FRYL: variants seen among roughly 807,000 people sequenced by gnomAD.
FRYL encodes the protein protein furry homolog-like.
Under a neutral mutation model 351.2 loss-of-function variants are expected in FRYL, and 150 were observed. That is an observed-to-expected ratio of 0.43 (90% CI 0.37 to 0.49). FRYL has a LOEUF of 0.49. FRYL is among the 20% of genes least tolerant of loss of function. FRYL has a pLI of 0.00. For synonymous variants in FRYL, 1,153 were observed against 1,257.1 expected, an observed-to-expected ratio of 0.92 and a Z score of 1.75; for missense variants, 3,036 against 3,619.3, an observed-to-expected ratio of 0.84 and a Z score of 4.13.
intron 1 of FRYL, among the ~76,000 whole-genome samples, chr4:48,772,503 CATTT>C (rs1206308616): frequency 6.6e-6 from 1 of 152,066 alleles, no homozygotes; most frequent in Admixed American, 6.5e-5. Flanking sequence ...CAGGAATGTA[CATTT>C]ATTAAGATGC....
chr4:48,736,850 G>GAAAAAAAAAAAAAAAAAAAAAAA (rs368006420), intron 1 of FRYL, among the ~76,000 whole-genome samples: 17 of 40,590 alleles, frequency 4.2e-4, no homozygotes, highest in East Asian at 1.5e-3. Context: ...ACTCTGTCTC[G>GAAAAAAAAAAAAAAAAAAAAAAA]AAAAAAAAAA....
Position 48,590,777 on chromosome 4 carries a change from C to T in FRYL, c.1389G>A (p.Gln463=), listed in dbSNP as rs953661099. The change falls in exon 17 of 64, where the codon CAG becomes CAA. Residue 463 remains glutamine (Q), a synonymous_variant. Coordinates refer to ENST00000358350, the MANE Select transcript of FRYL (RefSeq NM_015030.2). ...TTGGCATGGGTGGTTCACCATCTTT[C>T]TGCTGCAAACTGTCTGCTATTACAA... The part of the protein sequence containing the change: ...VFLVIADSLQ[Q]KDGEPPMPTT... The T allele has an allele frequency of 6.2e-7, 1 of 1,613,730 alleles. No individual in the cohort carries two copies. The highest frequency in any genetic ancestry group is 8.5e-7 in the Non-Finnish European group (1 of 1,179,894).
intron 21 of FRYL, 33 bp from the exon 22 acceptor site, chr4:48,580,984 T>C: frequency 6.9e-7 from 1 of 1,439,772 alleles, no homozygotes; most frequent in Non-Finnish European, 9.5e-7. Context: ...CTAAAAAAAT[T>C]AGGAATGTTT....
chr4:48,766,438 C>A (rs1241646992), intron 1 of FRYL, among the ~76,000 whole-genome samples: 1 of 152,146 alleles, frequency 6.6e-6, no homozygotes, highest in Non-Finnish European at 1.5e-5. Context: ...TTTCACTAAG[C>A]AGAATGGGCC....
At chr4:48,714,599 A>G (rs1451417894) in intron 1 of FRYL, among the ~76,000 whole-genome samples, 1 of 149,704 alleles carries the variant, frequency 6.7e-6, no homozygotes, top group Non-Finnish European at 1.5e-5. Context: ...GAATAGACCA[A>G]TAACAGGAGC....
chr4:48,625,335 T>C (rs1178283735), intron 4 of FRYL, among the ~76,000 whole-genome samples: 10 of 152,114 alleles, frequency 6.6e-5, no homozygotes, highest in Non-Finnish European at 1.3e-4. Flanking sequence ...TCACTATCAA[T>C]GGAAAAAATG....
chr4:48,700,040 C>T (rs1452963556), intron 2 of FRYL, among the ~76,000 whole-genome samples: 1 of 152,162 alleles, frequency 6.6e-6, no homozygotes, highest in South Asian at 2.1e-4. Context: ...GACTGCCTAT[C>T]GAGCACTGCA....
At chr4:48,613,357 A>G (rs558689332) in intron 7 of FRYL, among the ~76,000 whole-genome samples, 1 of 152,224 alleles carries the variant, frequency 6.6e-6, no homozygotes, top group Admixed American at 6.5e-5. Context: ...GTTTGATATT[A>G]TCCATAATAT....
chr4:48,734,505 C>T lies in FRYL; in HGVS notation c.-383-23807G>A, dbSNP rs187309646. On this transcript the variant is annotated intron_variant, in intron 1 of 63. Coordinates refer to ENST00000358350, the MANE Select transcript of FRYL (RefSeq NM_015030.2). ...CTATCAGAAGCAAACAGATCAGAAT[C>T]AGAAGCAGTAAGGACATAGCTGAAC... is the stretch of plus-strand genomic sequence containing the variant. Among the ~76,000 whole-genome samples the T allele has an allele frequency of 1.4e-3, 214 of 152,220 alleles. 1 individual carries two copies. Among genetic ancestry groups the T allele is most frequent in the African/African-American group, 4.6e-3 (190 of 41,540 alleles).
Position 48,521,148 on chromosome 4 carries a change from T to C in FRYL, c.7589A>G (p.Asp2530Gly). The C allele has an allele frequency of 6.2e-7, 1 of 1,613,350 alleles. No individual in the cohort carries two copies. The highest frequency in any genetic ancestry group is 8.5e-7 in the Non-Finnish European group (1 of 1,179,358). ...DHPDLLLQSE[D>G]STGSITTEEV... ...CTCTGTTGTGATGCTGCCAGTGGAA[T>C]CTTCAGACTGGAGAAGTAAGTCAGG... The change falls in exon 55 of 64, where the codon GAT (aspartate) becomes GGT (glycine). Residue 2530 changes from aspartate (D) to glycine (G), a missense_variant. By Grantham distance (94) the Asp-to-Gly change is moderately conservative. Around this residue, in one of 7 missense-constraint regions of FRYL, gnomAD observed 1,987 missense variants for 2,311.7 expected, o/e 0.86. Coordinates refer to ENST00000358350, the MANE Select transcript of FRYL (RefSeq NM_015030.2).
intron 1 of FRYL, among the ~76,000 whole-genome samples, chr4:48,746,943 T>C (rs1281523906): frequency 1.3e-5 from 2 of 152,194 alleles, no homozygotes; most frequent in Non-Finnish European, 2.9e-5. Flanking sequence ...TGGTGGAGCC[T>C]AGGCAACTCT....
intron 56 of FRYL, among the ~76,000 whole-genome samples, chr4:48,513,779 T>C (rs2148785145): frequency 6.6e-6 from 1 of 152,350 alleles, no homozygotes; most frequent in Non-Finnish European, 1.5e-5. Context: ...TGGTGATGAT[T>C]TTAACACATA....
chr4:48,779,456 C>A (rs1776393926), intron 1 of FRYL, among the ~76,000 whole-genome samples: 1 of 152,124 alleles, frequency 6.6e-6, no homozygotes, highest in African/African-American at 2.4e-5. Context: ...GAGCAGTGGG[C>A]GGAGAGACCA....
chr4:48,709,601 A>C (rs201813632), intron 2 of FRYL, among the ~76,000 whole-genome samples: 6 of 152,310 alleles, frequency 3.9e-5, no homozygotes, highest in East Asian at 3.9e-4. Context: ...CTCAAAAAAA[A>C]CCAAAAATCT....
intron 1 of FRYL, among the ~76,000 whole-genome samples, chr4:48,728,281 C>A (rs964659638): frequency 2.0e-5 from 3 of 151,772 alleles, no homozygotes; most frequent in African/African-American, 7.3e-5. Context: ...ATATATATAT[C>A]TGAGATTGAA....
chr4:48,614,387 G>A (rs979998507), intron 7 of FRYL, among the ~76,000 whole-genome samples: 3 of 152,080 alleles, frequency 2.0e-5, no homozygotes, highest in African/African-American at 4.8e-5. Flanking sequence ...TTTTAGAAGC[G>A]GCTCTAATTC....
chr4:48,551,344 T>C (rs1732700602), intron 37 of FRYL, 150 bp downstream of exon 37: 1 of 514,626 alleles, frequency 1.9e-6, no homozygotes, highest in South Asian at 4.0e-5. Flanking sequence ...AAACTCTCAA[T>C]GTGGAAAGTT....
intron 2 of FRYL, among the ~76,000 whole-genome samples, chr4:48,704,420 A>C (rs1366648120): frequency 6.6e-6 from 1 of 152,240 alleles, no homozygotes; most frequent in Admixed American, 6.5e-5. Flanking sequence ...TATGTATGAA[A>C]AAAAGGCACT....
intron 28 of FRYL, among the ~76,000 whole-genome samples, chr4:48,566,908 G>A (rs1215186629): frequency 6.6e-6 from 1 of 152,054 alleles, no homozygotes; most frequent in African/African-American, 2.4e-5. Flanking sequence ...TTATTCAAAA[G>A]TATCTTCTTA....
Sources: allele counts gnomAD v4.1 joint callset (sites outside exome capture counted in the v4.1 genomes callset), GRCh38; gene constraint gnomAD v4.1.1; regional missense constraint gnomAD v4.1.1; transcripts MANE v1.5; gene names NCBI Gene and HGNC (gene_info 2026-07-23, HGNC 2026-07-21).